The following ARHGAP26 variants were observed in gnomAD, a reference collection of about 807,000 sequenced individuals.
The protein encoded by ARHGAP26 is rho GTPase-activating protein 26.
Under a neutral mutation model 104.8 loss-of-function variants are expected in ARHGAP26, and 38 were observed. The observed-to-expected ratio is 0.36, with a 90% CI of 0.28 to 0.48. The LOEUF is 0.48. Among genes scored for constraint, ARHGAP26 ranks in the 20% least tolerant of loss-of-function variants. The pLI is 0.99. For missense variants in ARHGAP26, 704 were observed against 947.9 expected (o/e 0.74, Z 3.38); for synonymous variants, 341 against 340.0 (o/e 1.00, Z -0.03).
At chr5:143,094,257 C>T (rs1167108462) in intron 17 of ARHGAP26, among the ~76,000 whole-genome samples, 1 of 152,242 alleles carries the variant, frequency 6.6e-6, no homozygotes, top group Non-Finnish European at 1.5e-5. Flanking sequence ...TACCTTACTG[C>T]CTCCCGTGGC....
intron 5 of ARHGAP26, among the ~76,000 whole-genome samples, chr5:142,891,556 G>T (rs1227895931): frequency 6.6e-6 from 1 of 151,914 alleles, no homozygotes; most frequent in African/African-American, 2.4e-5. Context: ...TATGAAGGAA[G>T]TTTCTTTTTC....
intron 4 of ARHGAP26, among the ~76,000 whole-genome samples, chr5:142,883,500 A>C (rs1040536079): frequency 6.6e-6 from 1 of 152,216 alleles, no homozygotes; most frequent in Non-Finnish European, 1.5e-5. Flanking sequence ...ACTCAGATTC[A>C]TGGAAATGAG....
At chr5:142,869,083 G>A (rs970246808) in intron 1 of ARHGAP26, among the ~76,000 whole-genome samples, 3 of 152,160 alleles carry the variant, frequency 2.0e-5, no homozygotes, top group African/African-American at 4.8e-5. Context: ...AACAAGGCCC[G>A]GGGACTTTGG....
At chr5:143,133,603 G>C (rs569456797) in intron 18 of ARHGAP26, among the ~76,000 whole-genome samples, 31 of 152,302 alleles carry the variant, frequency 2.0e-4, no homozygotes, top group African/African-American at 7.0e-4. Flanking sequence ...TGATTCATTG[G>C]TTCTGGACAA....
At chr5:142,960,025 A>G (rs1002599157) in intron 11 of ARHGAP26, among the ~76,000 whole-genome samples, 2 of 152,270 alleles carry the variant, frequency 1.3e-5, no homozygotes, top group African/African-American at 2.4e-5. Context: ...AGCAATGACT[A>G]TCACAAACCC....
At chr5:143,202,824 G>T (rs978722551) in intron 20 of ARHGAP26, 15 of 152,190 alleles carry the variant, frequency 9.9e-5, no homozygotes, top group African/African-American at 3.6e-4. Context: ...AAGCAATGGG[G>T]AAAGGATTTC....
intron 21 of ARHGAP26, among the ~76,000 whole-genome samples, chr5:143,213,308 T>C (rs1354761705): frequency 6.6e-6 from 1 of 151,888 alleles, no homozygotes; most frequent in Admixed American, 6.6e-5. Context: ...CCAAAAAAAA[T>C]GCCTCATGTC....
At chr5:143,205,410 G>A (rs775734195) in intron 20 of ARHGAP26, among the ~76,000 whole-genome samples, 3 of 152,130 alleles carry the variant, frequency 2.0e-5, no homozygotes, top group Non-Finnish European at 4.4e-5. Flanking sequence ...CCGCCAGACC[G>A]AACACTGGAG....
At chr5:143,148,859 A>C (rs1204235881) in intron 20 of ARHGAP26, among the ~76,000 whole-genome samples, 1 of 152,094 alleles carries the variant, frequency 6.6e-6, no homozygotes. Context: ...CTTGCTCTGT[A>C]TGAGCAAGGT....
intron 13 of ARHGAP26, among the ~76,000 whole-genome samples, chr5:143,037,767 T>C (rs905028475): frequency 1.3e-5 from 2 of 152,358 alleles, no homozygotes; most frequent in South Asian, 2.1e-4. Context: ...ATGTCAGTTA[T>C]AGGTTAGTGA....
chr5:143,004,391 C>A (rs1777649734), intron 11 of ARHGAP26, among the ~76,000 whole-genome samples: 1 of 152,188 alleles, frequency 6.6e-6, no homozygotes, highest in African/African-American at 2.4e-5. Context: ...TCATCCAAAT[C>A]CATTTCTCCC....
chr5:142,845,689 A>C (rs1200507475), intron 1 of ARHGAP26, among the ~76,000 whole-genome samples: 6 of 152,212 alleles, frequency 3.9e-5, no homozygotes, highest in Non-Finnish European at 7.3e-5. Flanking sequence ...CAGCTAAAGC[A>C]GCTGAGTGTC....
intron 12 of ARHGAP26, among the ~76,000 whole-genome samples, chr5:143,020,858 T>C (rs937117782): frequency 6.6e-6 from 1 of 152,138 alleles, no homozygotes; most frequent in African/African-American, 2.4e-5. Flanking sequence ...GCCAGGATGG[T>C]CTCGATCTGC....
intron 11 of ARHGAP26, among the ~76,000 whole-genome samples, chr5:142,985,659 C>T (rs1159950426): frequency 3.1e-5 from 4 of 130,332 alleles, no homozygotes; most frequent in Non-Finnish European, 6.5e-5. Context: ...TCCCCCCTCC[C>T]CCCCACCCTA....
intron 11 of ARHGAP26, among the ~76,000 whole-genome samples, chr5:142,963,186 A>ATACATATATATATATATATG (rs2152671649): frequency 1.0e-5 from 1 of 100,220 alleles, no homozygotes; most frequent in East Asian, 6.9e-4. Context: ...ATATATATAT[A>ATACATATATATATATATATG]TATATATATA....
intron 10 of ARHGAP26, among the ~76,000 whole-genome samples, chr5:142,923,452 CAT>C (rs1435705220): frequency 6.6e-6 from 1 of 152,072 alleles, no homozygotes; most frequent in Non-Finnish European, 1.5e-5. Context: ...GCTATATTTT[CAT>C]AGTTTGTTAT....
At chr5:142,884,075 A>G (rs1418790253) in intron 4 of ARHGAP26, among the ~76,000 whole-genome samples, 1 of 152,228 alleles carries the variant, frequency 6.6e-6, no homozygotes, top group African/African-American at 2.4e-5. Flanking sequence ...CAGGCTCCAC[A>G]TGAGTCAAAA....
At chr5:142,824,275 C>G (rs1248763250) in intron 1 of ARHGAP26, among the ~76,000 whole-genome samples, 1 of 152,170 alleles carries the variant, frequency 6.6e-6, no homozygotes, top group Non-Finnish European at 1.5e-5. Context: ...GCTAGTTGCT[C>G]TTGCATTGGG....
intron 1 of ARHGAP26, among the ~76,000 whole-genome samples, chr5:142,808,130 G>C (rs1405055868): frequency 6.6e-6 from 1 of 150,918 alleles, no homozygotes; most frequent in African/African-American, 2.4e-5. Flanking sequence ...AGCTACTCGG[G>C]AGGCTGAGGC....
Sources: allele counts gnomAD v4.1 joint callset (sites outside exome capture counted in the v4.1 genomes callset), GRCh38; gene constraint gnomAD v4.1.1; transcripts MANE v1.5; gene names NCBI Gene and HGNC (gene_info 2026-07-23, HGNC 2026-07-21).